IKZF2: variants seen among roughly 807,000 people sequenced by gnomAD.
IKZF2 encodes the protein zinc finger protein Helios.
IKZF2 carries 15 observed loss-of-function variants against 49.2 expected under a neutral mutation model. That is an observed-to-expected ratio of 0.30 (90% CI 0.20 to 0.47). IKZF2 has a LOEUF of 0.47. Ranked by LOEUF, IKZF2 falls within the 20% of genes least tolerant of loss-of-function variation. The pLI, the probability that IKZF2 is intolerant of heterozygous loss-of-function variation, is 1.00. For synonymous variants in IKZF2, 227 were observed against 221.4 expected (o/e 1.03, Z -0.23); for missense variants, 567 against 664.6 (o/e 0.85, Z 1.61).
chr2:213,045,245 G>A (rs1018501748), intron 6 of IKZF2, among the ~76,000 whole-genome samples: 3 of 152,144 alleles, frequency 2.0e-5, no homozygotes, highest in African/African-American at 7.2e-5. Flanking sequence ...TTAGGCTAAG[G>A]CATGGCATTG....
At chr2:213,048,238 A>G (rs1344126798) in intron 6 of IKZF2, among the ~76,000 whole-genome samples, 2 of 152,136 alleles carry the variant, frequency 1.3e-5, no homozygotes, top group East Asian at 3.8e-4. Flanking sequence ...TTGCAAAATG[A>G]GCACGATGGC....
intron 4 of IKZF2, among the ~76,000 whole-genome samples, chr2:213,067,681 C>T (rs1702287645): frequency 6.6e-6 from 1 of 152,066 alleles, no homozygotes; most frequent in African/African-American, 2.4e-5. Context: ...TGCTCTGTAC[C>T]AGGCACCACG....
chr2:213,082,516 A>T (rs1704064057), intron 4 of IKZF2, among the ~76,000 whole-genome samples: 1 of 152,228 alleles, frequency 6.6e-6, no homozygotes, highest in Non-Finnish European at 1.5e-5. Flanking sequence ...AATCTGTGCT[A>T]ATGTTAGCAA....
At chr2:213,119,533 A>G (rs1454196511) in intron 4 of IKZF2, among the ~76,000 whole-genome samples, 1 of 152,244 alleles carries the variant, frequency 6.6e-6, no homozygotes, top group East Asian at 1.9e-4. Context: ...AAAAAAAGAA[A>G]GGATGTACCA....
At chr2:213,021,861 T>C (rs1002002085) in intron 7 of IKZF2, 132 bp downstream of exon 7, 1 of 913,914 alleles carries the variant, frequency 1.1e-6, no homozygotes, top group African/African-American at 1.7e-5. Flanking sequence ...TTATTTGCAA[T>C]GTATCCCAAA....
Position 213,007,280 on chromosome 2 carries a change from G to T in IKZF2, c.*80C>A. 1.4e-6 allele frequency: 2 copies of T among 1,419,456 alleles called. No individual in the cohort carries two copies. The highest frequency in any genetic ancestry group is 1.9e-6 in the Non-Finnish European group (2 of 1,046,090). 87.9% of individuals were successfully genotyped at this position (1,419,456 alleles called of 1,614,324 possible). ...AAATAAAAGGTATGTCAACATTTGA[G>T]GAAAGGTGGGATTGTAAGTGCAGTA... On this transcript the variant is annotated 3_prime_UTR_variant, in exon 9 of 9. Coordinates refer to ENST00000434687, the MANE Select transcript of IKZF2 (RefSeq NM_001387220.1).
In IKZF2 at chr2:213,131,831, T is replaced by TA. The variant is rs1166572965; in HGVS notation, c.139+15876dup. ...TAACCTGTGGGGTTAATCTGAATAATAATGTCTGGAATAACTGAGAGACGT... is the reference window on the plus strand; with the variant it reads ...TAACCTGTGGGGTTAATCTGAATAATAAATGTCTGGAATAACTGAGAGACGT... On this transcript the variant is annotated intron_variant, in intron 4 of 8. Transcript: ENST00000434687. 2.0e-5 allele frequency among the ~76,000 whole-genome samples: 3 copies of TA among 152,138 alleles called. No homozygotes were observed. In the East Asian group the frequency reaches 5.8e-4, roughly 29 times the overall value.
chr2:213,150,995 T>C (rs545007835), intron 1 of IKZF2, among the ~76,000 whole-genome samples: 10 of 151,870 alleles, frequency 6.6e-5, no homozygotes, highest in Middle Eastern at 3.4e-3. Context: ...TCTTTCTTCT[T>C]GGAATTCAAG....
intron 4 of IKZF2, among the ~76,000 whole-genome samples, chr2:213,080,066 T>C (rs776028898): frequency 5.3e-5 from 8 of 152,096 alleles, no homozygotes; most frequent in Non-Finnish European, 1.2e-4. Flanking sequence ...TTCCCACAAC[T>C]TACAACTACA....
intron 5 of IKZF2, 67 bp from the exon 6 acceptor site, chr2:213,049,947 C>G: frequency 8.4e-7 from 1 of 1,188,904 alleles, no homozygotes; most frequent in African/African-American, 1.6e-5. Flanking sequence ...TTGCCATCCA[C>G]TGTTAACCAA....
intron 6 of IKZF2, among the ~76,000 whole-genome samples, chr2:213,046,633 G>T (rs1460686638): frequency 2.0e-5 from 3 of 152,160 alleles, no homozygotes; most frequent in African/African-American, 4.8e-5. Context: ...ATATGGCATG[G>T]CCATATGGTC....
intron 4 of IKZF2, among the ~76,000 whole-genome samples, chr2:213,071,613 C>A (rs539813936): frequency 2.6e-5 from 4 of 152,068 alleles, no homozygotes; most frequent in Non-Finnish European, 5.9e-5. Flanking sequence ...GATCACAATC[C>A]CACTACAAGT....
chr2:213,046,205 C>T (rs921030632), intron 6 of IKZF2, among the ~76,000 whole-genome samples: 2 of 152,152 alleles, frequency 1.3e-5, no homozygotes, highest in African/African-American at 4.8e-5. Flanking sequence ...GCATCATGAA[C>T]TAGGTGTTAT....
At chr2:213,030,812 C>CTTTT (rs918257825) in intron 6 of IKZF2, among the ~76,000 whole-genome samples, 1 of 133,708 alleles carries the variant, frequency 7.5e-6, no homozygotes, top group Non-Finnish European at 1.6e-5. Context: ...TACTATTTTT[C>CTTTT]TTTTTTTTTT....
At position 213,147,734 on chromosome 2, in the gene IKZF2, T is replaced by C. The variant is rs146065227; in HGVS notation, c.113A>G (p.His38Arg). 6.2e-7 allele frequency: 1 copy of C among 1,613,834 alleles called. No homozygotes were observed. Among genetic ancestry groups the C allele is most frequent in the African/African-American group, 1.3e-5 (1 of 74,918 alleles). The part of the protein sequence containing the change: ...DLTSSTPNGQ[H>R]ASPSHMTSTN... ...GCTTGTCATGTGACTTGGTGAGGCA[T>C]GCTGTCCATTGGGTGTGCTTGAGGT... The change falls in exon 4 of 9, where the codon CAT becomes CGT. Residue 38 changes from histidine to arginine, a missense_variant. His to Arg is a conservative substitution (Grantham distance 29). Transcript: ENST00000434687.
At chr2:213,096,739 G>A (rs1350008767) in intron 4 of IKZF2, among the ~76,000 whole-genome samples, 1 of 151,972 alleles carries the variant, frequency 6.6e-6, no homozygotes, top group Non-Finnish European at 1.5e-5. Flanking sequence ...GGTGAAAAGA[G>A]AGGCAAGCGC....
chr2:213,128,935 A>G (rs950167174), intron 4 of IKZF2, among the ~76,000 whole-genome samples: 1 of 150,596 alleles, frequency 6.6e-6, no homozygotes, highest in African/African-American at 2.4e-5. Flanking sequence ...TACAGGCGTG[A>G]GCCACCACAT....
rs1373942846 is a variant in IKZF2 at position 213,000,551 on chromosome 2, T to G, written c.*6809A>C. 1 of 151,824 alleles carries G rather than the reference T, an allele frequency of 6.6e-6. No homozygotes were observed. Among genetic ancestry groups the G allele is most frequent in the African/African-American group, 2.4e-5 (1 of 41,366 alleles). 9.4% of individuals were successfully genotyped at this position (151,824 alleles called of 1,614,324 possible). A position where few individuals can be genotyped will look rare whatever the true frequency, so the allele number is the denominator to read the frequency against. ...ATGTTATCTTTTAACAAAACATGTA[T>G]TTATATTACAGCAGTTTTACTACAG... On this transcript the variant is annotated 3_prime_UTR_variant, in exon 9 of 9. Transcript: ENST00000434687.
rs889632090 is a variant in IKZF2 at position 213,148,386 on chromosome 2, T to C, written c.34+210A>G. Among the ~76,000 whole-genome samples, 3 of 152,228 alleles carry C rather than the reference T, an allele frequency of 2.0e-5. No homozygotes were observed. The East Asian group carries it at 5.8e-4, about 29-fold the overall frequency. On this transcript the variant is annotated intron_variant, in intron 3 of 8. Coordinates refer to ENST00000434687, the MANE Select transcript of IKZF2 (RefSeq NM_001387220.1). Reference sequence around the variant, plus strand: ...AACTGCTAGCTACTATTGATTTAAGTACACTACTTAACTTAGTATGTTTCT... The same window carrying C: ...AACTGCTAGCTACTATTGATTTAAGCACACTACTTAACTTAGTATGTTTCT...
Sources: gnomAD v4.1 joint callset for allele counts (sites outside exome capture counted in the v4.1 genomes callset) on GRCh38, gnomAD v4.1.1 for gene constraint, MANE v1.5 for transcripts, NCBI Gene and HGNC (gene_info 2026-07-23, HGNC 2026-07-21) for gene names.